ZSCAN5A: variants seen among roughly 807,000 people sequenced by gnomAD.
ZSCAN5A encodes the protein zinc finger and SCAN domain containing 5A.
In ZSCAN5A, 12 loss-of-function variants were observed where a neutral mutation model predicts 23.7. The observed-to-expected ratio is 0.51, with a 90% CI of 0.32 to 0.82. The LOEUF is 0.82. Among genes scored for constraint, ZSCAN5A ranks in the 40% least tolerant of loss-of-function variants. The pLI is 0.03. For synonymous variants in ZSCAN5A, 257 were observed against 239.9 expected (o/e 1.07, Z -0.66); for missense variants, 597 against 617.9 (o/e 0.97, Z 0.36).
At chr19:56,285,700 C>T (rs1478341650) in intron 2 of ZSCAN5A, among the ~76,000 whole-genome samples, 8 of 151,782 alleles carry the variant, frequency 5.3e-5, no homozygotes, top group Admixed American at 1.3e-4. Context: ...AGGCTGGTCT[C>T]GAACTCCTGA....
chr19:56,288,045 G>A (rs755631071), intron 2 of ZSCAN5A, among the ~76,000 whole-genome samples: 1 of 152,194 alleles, frequency 6.6e-6, no homozygotes, highest in Non-Finnish European at 1.5e-5. Context: ...GGCACAAGGA[G>A]ATGGAGTGAG....
chr19:56,226,947 G>T (rs1347352809), intron 2 of ZSCAN5A, among the ~76,000 whole-genome samples: 5 of 152,052 alleles, frequency 3.3e-5, no homozygotes, highest in Non-Finnish European at 7.4e-5. Context: ...AATTTAAAAA[G>T]AAGTAAATAA....
intron 2 of ZSCAN5A, among the ~76,000 whole-genome samples, chr19:56,275,448 T>C (rs908812559): frequency 1.3e-5 from 2 of 152,230 alleles, no homozygotes; most frequent in East Asian, 1.9e-4. Context: ...TTTATCGTAT[T>C]GGTTGGGTGC....
intron 2 of ZSCAN5A, chr19:56,228,477 T>C: frequency 2.1e-6 from 2 of 973,372 alleles, no homozygotes; most frequent in Non-Finnish European, 2.4e-6. Flanking sequence ...GTACTAAACA[T>C]GCCTACTGTG....
intron 2 of ZSCAN5A, among the ~76,000 whole-genome samples, chr19:56,271,242 C>T (rs2037826842): frequency 6.6e-6 from 1 of 152,184 alleles, no homozygotes; most frequent in Non-Finnish European, 1.5e-5. Flanking sequence ...CGGCCTCCAA[C>T]CAGGCACTCT....
intron 2 of ZSCAN5A, among the ~76,000 whole-genome samples, chr19:56,290,586 C>T (rs933633747): frequency 2.6e-5 from 4 of 152,102 alleles, no homozygotes; most frequent in Non-Finnish European, 5.9e-5. Flanking sequence ...GGGTTGGACA[C>T]GGTGGCTCAT....
intron 2 of ZSCAN5A, chr19:56,321,339 G>A (rs1300243261): frequency 2.2e-5 from 14 of 644,898 alleles, no homozygotes; most frequent in South Asian, 1.9e-4. Context: ...CCTCTGGGCT[G>A]TAATAACCAG....
At chr19:56,289,251 T>C (rs778018285) in intron 2 of ZSCAN5A, among the ~76,000 whole-genome samples, 59 of 152,218 alleles carry the variant, frequency 3.9e-4, no homozygotes, top group Admixed American at 1.4e-3. Flanking sequence ...GTAAGCTAGC[T>C]TCAGCACCTC....
At chr19:56,362,595 C>A (rs530941296) in intron 2 of ZSCAN5A, among the ~76,000 whole-genome samples, 1 of 151,954 alleles carries the variant, frequency 6.6e-6, no homozygotes, top group South Asian at 2.1e-4. Context: ...GATGGCCGGA[C>A]GCGGTGGCTC....
intron 2 of ZSCAN5A, among the ~76,000 whole-genome samples, chr19:56,327,513 C>A (rs545101312): frequency 2.3e-4 from 35 of 150,246 alleles, no homozygotes; most frequent in African/African-American, 8.5e-4. Flanking sequence ...AATATGTATA[C>A]CATATAAGTC....
At chr19:56,259,852 T>C (rs2036990668) in intron 2 of ZSCAN5A, among the ~76,000 whole-genome samples, 1 of 152,202 alleles carries the variant, frequency 6.6e-6, no homozygotes, top group Non-Finnish European at 1.5e-5. Flanking sequence ...CACTTGACTG[T>C]GGTCCCAGCT....
chr19:56,280,933 TGA>T (rs2038648159), intron 2 of ZSCAN5A, among the ~76,000 whole-genome samples: 1 of 152,148 alleles, frequency 6.6e-6, no homozygotes, highest in South Asian at 2.1e-4. Context: ...TTGAACAATG[TGA>T]GAGTTAGGGG....
At position 56,257,173 on chromosome 19, in the gene ZSCAN5A, CAGA is replaced by C. The variant is rs55673839; in HGVS notation, c.-127-32003_-127-32001del. On this transcript the variant is annotated intron_variant, in intron 2 of 5. Coordinates refer to ENST00000683990, the MANE Select transcript of ZSCAN5A (RefSeq NM_001322064.3). ...CTTAGGTCCAAGAGGGGCGAGTTTGCAGAAGGAGTGATGGCAGGAGAGCGGGGA... is the reference window on the plus strand; with the variant it reads ...CTTAGGTCCAAGAGGGGCGAGTTTGCAGGAGTGATGGCAGGAGAGCGGGGA... 7.8e-3 allele frequency among the ~76,000 whole-genome samples: 1,193 copies of C among 152,278 alleles called. 6 individuals carry two copies. Among genetic ancestry groups the C allele is most frequent in the Non-Finnish European group, 0.013 (912 of 68,026 alleles).
chr19:56,249,514 T>G (rs937879519), intron 2 of ZSCAN5A, among the ~76,000 whole-genome samples: 1 of 152,230 alleles, frequency 6.6e-6, no homozygotes, highest in African/African-American at 2.4e-5. Context: ...TTGGGTGATC[T>G]GCCTGGCTCA....
At chr19:56,227,683 T>C (rs1158238922) in intron 2 of ZSCAN5A, among the ~76,000 whole-genome samples, 1 of 152,170 alleles carries the variant, frequency 6.6e-6, no homozygotes, top group East Asian at 1.9e-4. Flanking sequence ...CAGATTCTCA[T>C]TGGCCTAGTA....
At chr19:56,258,058 C>T (rs1478589748) in intron 2 of ZSCAN5A, among the ~76,000 whole-genome samples, 39 of 121,690 alleles carry the variant, frequency 3.2e-4, no homozygotes, top group Non-Finnish European at 4.3e-4. Context: ...TAGACACAGG[C>T]GCCGGGAGAC....
chr19:56,263,372 A>C (rs2037253489), intron 2 of ZSCAN5A: 1 of 152,166 alleles, frequency 6.6e-6, no homozygotes, highest in African/African-American at 2.4e-5. Flanking sequence ...CACTTTTCCG[A>C]AAGCCAGAGC....
intron 2 of ZSCAN5A, among the ~76,000 whole-genome samples, chr19:56,231,396 T>C (rs2034451606): frequency 6.6e-6 from 1 of 152,190 alleles, no homozygotes; most frequent in South Asian, 2.1e-4. Context: ...ATAATAATAA[T>C]GACAAAAAGA....
intron 2 of ZSCAN5A, among the ~76,000 whole-genome samples, chr19:56,258,263 G>A (rs538345352): frequency 1.3e-5 from 2 of 152,308 alleles, no homozygotes; most frequent in East Asian, 3.9e-4. Flanking sequence ...GCCTTTTCTG[G>A]GCCACCAATA....
Sources: gnomAD v4.1 joint callset for allele counts (sites outside exome capture counted in the v4.1 genomes callset) on GRCh38, gnomAD v4.1.1 for gene constraint, MANE v1.5 for transcripts, NCBI Gene and HGNC (gene_info 2026-07-23, HGNC 2026-07-21) for gene names.